The following DAPK1 variants were observed in gnomAD, a reference collection of about 807,000 sequenced individuals.
The protein encoded by DAPK1 is death associated protein kinase 1.
A neutral mutation model predicts 144.9 loss-of-function variants in DAPK1; 56 were observed. The ratio of observed to expected loss-of-function variants is 0.39; its 90% CI spans 0.31 to 0.48. DAPK1 has a LOEUF of 0.48. Among genes scored for constraint, DAPK1 ranks in the 20% least tolerant of loss-of-function variants. The probability of loss-of-function intolerance (pLI) is 0.95; values close to 1 mark genes in which losing one functional copy is unlikely to be tolerated. For missense variants in DAPK1, 1,454 were observed against 1,875.4 expected, an observed-to-expected ratio of 0.78 and a Z score of 4.15; for synonymous variants, 690 against 749.0, an observed-to-expected ratio of 0.92 and a Z score of 1.29.
chr9:87,528,474 TC>T (rs1412024112), intron 2 of DAPK1, among the ~76,000 whole-genome samples: 2 of 152,124 alleles, frequency 1.3e-5, no homozygotes, highest in African/African-American at 4.8e-5. Context: ...CGCCTCGGCC[TC>T]CCAAAGTGCT....
intron 18 of DAPK1, among the ~76,000 whole-genome samples, chr9:87,662,560 G>GCTTTTTTT (rs1830887987): frequency 3.1e-5 from 1 of 32,154 alleles, no homozygotes. Context: ...TATATTCCTA[G>GCTTTTTTT]TTTTTTTTTT....
At chr9:87,604,589 T>C (rs1047737447) in intron 2 of DAPK1, among the ~76,000 whole-genome samples, 9 of 152,162 alleles carry the variant, frequency 5.9e-5, no homozygotes, top group African/African-American at 2.2e-4. Flanking sequence ...CCCTCGTTTT[T>C]CAGGCTCAGA....
intron 19 of DAPK1, among the ~76,000 whole-genome samples, chr9:87,679,576 T>G (rs1351214027): frequency 6.6e-6 from 1 of 152,280 alleles, no homozygotes; most frequent in South Asian, 2.1e-4. Flanking sequence ...AAGCTCTTAC[T>G]TGGTATTAGA....
intron 3 of DAPK1, among the ~76,000 whole-genome samples, chr9:87,636,329 T>G (rs1170346392): frequency 6.6e-6 from 1 of 152,162 alleles, no homozygotes; most frequent in Non-Finnish European, 1.5e-5. Flanking sequence ...TGTGGCTACC[T>G]CTGCCAGGCC....
chr9:87,639,298 C>A, intron 4 of DAPK1, 56 bp from the exon 5 acceptor site: 4 of 1,364,524 alleles, frequency 2.9e-6, no homozygotes, highest in Non-Finnish European at 3.9e-6. Context: ...ATTCTGCCAT[C>A]TTGTCCTCAG....
chr9:87,566,062 C>T (rs1827111010), intron 2 of DAPK1, among the ~76,000 whole-genome samples: 1 of 149,658 alleles, frequency 6.7e-6, no homozygotes, highest in South Asian at 2.1e-4. Context: ...GCTCTGTGGC[C>T]CAGGCTGGAG....
intron 2 of DAPK1, among the ~76,000 whole-genome samples, chr9:87,535,765 G>A (rs1392489011): frequency 6.6e-6 from 1 of 152,036 alleles, no homozygotes; most frequent in Admixed American, 6.6e-5. Flanking sequence ...AGTAGGCAAC[G>A]GTATAGTAAT....
At position 87,681,433 on chromosome 9, in the gene DAPK1, G is replaced by C; in HGVS notation, c.2031G>C (p.Gln677His). 1.9e-6 allele frequency: 3 copies of C among 1,612,842 alleles called. No individual in the cohort carries two copies. The highest frequency in any genetic ancestry group is 2.5e-6 in the Non-Finnish European group (3 of 1,178,814). ...KDTHRGLFIQ[Q>H]LRPTQNLQPR... ...CGCACCGAGGACTCTTCATCCAGCAGCTCCGACCCACACAGAACCTGCAGC... is the reference window on the plus strand; with the variant it reads ...CGCACCGAGGACTCTTCATCCAGCACCTCCGACCCACACAGAACCTGCAGC... Residue 677 changes from glutamine to histidine, a missense_variant, in exon 20 of 26, where the codon CAG becomes CAC. Coordinates refer to ENST00000408954, the MANE Select transcript of DAPK1 (RefSeq NM_004938.4).
chr9:87,557,379 G>T (rs572217292), intron 2 of DAPK1, among the ~76,000 whole-genome samples: 2 of 152,108 alleles, frequency 1.3e-5, no homozygotes, highest in African/African-American at 4.8e-5. Context: ...TGCCTTCCTC[G>T]TCCTTCCAAA....
rs78699512 is a variant in DAPK1, at chr9:87,691,295, C to A, written c.2413+4556C>A. On this transcript the variant is annotated intron_variant, in intron 21 of 25. Transcript: ENST00000408954. ...GTTAGCGTATAGTTGTTCATAATAA[C>A]CTCTGATGATCTTTGGTATTTTTGT... 3.0e-3 allele frequency among the ~76,000 whole-genome samples: 455 copies of A among 152,098 alleles called. 2 individuals are homozygous for A. Among genetic ancestry groups the A allele is most frequent in the African/African-American group, 0.01 (436 of 41,536 alleles).
chr9:87,620,782 A>G (rs13289919), intron 3 of DAPK1, among the ~76,000 whole-genome samples: 6 of 151,224 alleles, frequency 4.0e-5, no homozygotes, highest in Non-Finnish European at 5.9e-5. Context: ...TTGATTTTGG[A>G]AAAAAAAACC....
At chr9:87,698,970 C>T (rs570916547) in intron 23 of DAPK1, among the ~76,000 whole-genome samples, 176 bp downstream of exon 23, 60 of 152,280 alleles carry the variant, frequency 3.9e-4, no homozygotes, top group African/African-American at 1.4e-3. Flanking sequence ...TGGAAATGAT[C>T]GGCTTTAGAA....
chr9:87,647,548 T>G (rs1830313307), intron 14 of DAPK1, 145 bp downstream of exon 14: 1 of 711,132 alleles, frequency 1.4e-6, no homozygotes, highest in African/African-American at 1.8e-5. Context: ...GTTGGAAATG[T>G]CTTGTTGCCT....
chr9:87,641,333 T>G (rs2119137299), intron 9 of DAPK1, among the ~76,000 whole-genome samples: 1 of 152,268 alleles, frequency 6.6e-6, no homozygotes, highest in South Asian at 2.1e-4. Context: ...CTGGTTGACA[T>G]TTGGATTAAA....
intron 3 of DAPK1, among the ~76,000 whole-genome samples, chr9:87,608,612 C>T (rs1035789459): frequency 1.3e-5 from 2 of 152,204 alleles, no homozygotes; most frequent in African/African-American, 2.4e-5. Flanking sequence ...ATGAGAATTC[C>T]GATTGCTCCA....
rs550513775 is a variant in DAPK1 at position 87,498,882 on chromosome 9, G to T, written c.-108-88G>T. 86 of 527,558 alleles carry T rather than the reference G, an allele frequency of 1.6e-4. 2 individuals are homozygous for T. The South Asian group carries it at 2.4e-3, about 15-fold the overall frequency. 32.7% of individuals were successfully genotyped at this position (527,558 alleles called of 1,614,324 possible). A position where few individuals can be genotyped will look rare whatever the true frequency, so the allele number is the denominator to read the frequency against. ...GGCAGCTCCGGAGACCCGGTCTTCA[G>T]CGAGCGGGGTCTTAGCGCCGGGGAG... is the stretch of plus-strand genomic sequence containing the variant. On this transcript the variant is annotated intron_variant, in intron 1 of 25. Coordinates refer to ENST00000408954, the MANE Select transcript of DAPK1 (RefSeq NM_004938.4).
chr9:87,515,027 C>A (rs773373087), intron 2 of DAPK1, among the ~76,000 whole-genome samples: 18 of 152,214 alleles, frequency 1.2e-4, no homozygotes, highest in Non-Finnish European at 2.9e-5. Context: ...AAGGCAAAAG[C>A]TGGAGAACCC....
At chr9:87,617,168 G>A (rs971353119) in intron 3 of DAPK1, among the ~76,000 whole-genome samples, 5 of 152,188 alleles carry the variant, frequency 3.3e-5, no homozygotes, top group African/African-American at 4.8e-5. Flanking sequence ...TTGATCTCAT[G>A]CCCTCTTTTC....
At chr9:87,535,480 A>G (rs1825828724) in intron 2 of DAPK1, among the ~76,000 whole-genome samples, 1 of 152,188 alleles carries the variant, frequency 6.6e-6, no homozygotes, top group African/African-American at 2.4e-5. Context: ...CTTGGTCTGT[A>G]TGGGATCCTA....
Sources: allele counts gnomAD v4.1 joint callset (sites outside exome capture counted in the v4.1 genomes callset), GRCh38; gene constraint gnomAD v4.1.1; transcripts MANE v1.5; gene names NCBI Gene and HGNC (gene_info 2026-07-23, HGNC 2026-07-21).